ASTN2: variants seen among roughly 807,000 people sequenced by gnomAD.
ASTN2 encodes the protein astrotactin-2.
A neutral mutation model predicts 139.8 loss-of-function variants in ASTN2; 54 were observed. That is an observed-to-expected ratio of 0.39 (90% CI 0.31 to 0.48). The LOEUF (loss-of-function observed/expected upper bound fraction) is 0.48, where lower values mean the gene tolerates loss of function less well. Among genes scored for constraint, ASTN2 ranks in the 20% least tolerant of loss-of-function variants. ASTN2 has a pLI of 0.95. For missense variants in ASTN2, 1,565 were observed against 1,725.1 expected, an observed-to-expected ratio of 0.91 and a Z score of 1.64; for synonymous variants, 756 against 719.5, an observed-to-expected ratio of 1.05 and a Z score of -0.81.
intron 10 of ASTN2, among the ~76,000 whole-genome samples, chr9:116,893,323 T>G (rs540385027): frequency 1.9e-4 from 29 of 152,332 alleles, no homozygotes; most frequent in African/African-American, 7.0e-4. Flanking sequence ...AGTTGCCCAA[T>G]TAAATGATCC....
At chr9:117,003,919 C>A (rs939010414) in intron 7 of ASTN2, among the ~76,000 whole-genome samples, 2 of 149,304 alleles carry the variant, frequency 1.3e-5, no homozygotes, top group African/African-American at 5.0e-5. Flanking sequence ...GTAAGAATAT[C>A]CTAGAATTTG....
intron 2 of ASTN2, among the ~76,000 whole-genome samples, chr9:117,224,061 T>G (rs1203584084): frequency 1.3e-5 from 2 of 152,124 alleles, no homozygotes; most frequent in African/African-American, 4.8e-5. Flanking sequence ...AGGGTCAAAA[T>G]CCTGGGAGAA....
intron 20 of ASTN2, among the ~76,000 whole-genome samples, chr9:116,479,654 C>T (rs545645817): frequency 2.6e-5 from 4 of 152,250 alleles, no homozygotes; most frequent in Admixed American, 2.6e-4. Flanking sequence ...CATGCAGACC[C>T]CACATACAAT....
intron 4 of ASTN2, among the ~76,000 whole-genome samples, chr9:117,103,983 G>GGCCAGGCACAGC (rs6151141): frequency 1.3e-5 from 2 of 151,694 alleles, no homozygotes; most frequent in African/African-American, 2.4e-5. Context: ...ACCTGCTATA[G>GGCCAGGCACAGC]GCCAGGCACT....
At position 116,639,023 on chromosome 9, in the gene ASTN2, A is replaced by G. The variant is rs562734655; in HGVS notation, c.3072+12505T>C. Among the ~76,000 whole-genome samples, 3 of 152,314 alleles carry G rather than the reference A, an allele frequency of 2.0e-5. No homozygotes were observed. In the South Asian group the frequency reaches 6.2e-4, roughly 32 times the overall value. Reference sequence around the variant, plus strand: ...CCAGGGCAGTGTAGAAGCAGATGTGAGAGGAGGTAACACAGGATTAATCAC... The same window carrying G: ...CCAGGGCAGTGTAGAAGCAGATGTGGGAGGAGGTAACACAGGATTAATCAC... On this transcript the variant is annotated intron_variant, in intron 17 of 22. Transcript: ENST00000313400.
intron 12 of ASTN2, among the ~76,000 whole-genome samples, chr9:116,806,258 C>T (rs1003719205): frequency 2.0e-5 from 3 of 152,192 alleles, no homozygotes; most frequent in African/African-American, 4.8e-5. Context: ...AGAGGTGAAA[C>T]CTTCCAGGAC....
At chr9:116,988,930 C>T (rs1327534338) in intron 7 of ASTN2, among the ~76,000 whole-genome samples, 1 of 152,170 alleles carries the variant, frequency 6.6e-6, no homozygotes, top group Non-Finnish European at 1.5e-5. Flanking sequence ...AGATGGGGAA[C>T]ACAACTCTGT....
chr9:116,963,826 G>A (rs1835933094), intron 10 of ASTN2, among the ~76,000 whole-genome samples: 1 of 152,166 alleles, frequency 6.6e-6, no homozygotes, highest in African/African-American at 2.4e-5. Flanking sequence ...CAGGAGGTTT[G>A]GTGAGAAGTG....
At chr9:116,718,972 G>GTGTATA (rs56991546) in intron 16 of ASTN2, among the ~76,000 whole-genome samples, 16,967 of 100,230 alleles carry the variant, frequency 0.17, 1,930 homozygotes, top group Non-Finnish European at 0.19. Flanking sequence ...ACCTGTATCT[G>GTGTATA]TACATATATA....
chr9:116,975,235 A>C lies in ASTN2; in HGVS notation c.1862T>G (p.Leu621Arg), dbSNP rs777558946. The C allele has an allele frequency of 1.4e-5, 22 of 1,612,944 alleles. No individual in the cohort carries two copies. Among genetic ancestry groups the C allele is most frequent in the Non-Finnish European group, 1.7e-5 (20 of 1,179,492 alleles). The change falls in exon 10 of 23, where the codon CTC (leucine) becomes CGC (arginine). Residue 621 changes from leucine (L) to arginine (R), a missense_variant. Leu to Arg is a moderately radical substitution (Grantham distance 102). Transcript: ENST00000313400. ...NPLASCKTDVLVTEDPADVRE... is the reference protein window; with the variant it reads ...NPLASCKTDVRVTEDPADVRE... ...GACATCTGCAGGGTCTTCCGTGACG[A>C]GCACATCGGTCTTGCAGCTGGCCAG...
At chr9:116,966,850 A>G (rs1411440416) in intron 10 of ASTN2, among the ~76,000 whole-genome samples, 1 of 152,168 alleles carries the variant, frequency 6.6e-6, no homozygotes, top group Admixed American at 6.5e-5. Context: ...ACACACACTT[A>G]ATAGACCAAA....
intron 17 of ASTN2, among the ~76,000 whole-genome samples, chr9:116,635,914 TAAG>T (rs1207331826): frequency 1.3e-5 from 2 of 152,090 alleles, no homozygotes; most frequent in Non-Finnish European, 1.5e-5. Context: ...GGCTGAGAAA[TAAG>T]AAGTGAGAAC....
At chr9:117,223,109 G>A (rs957588879) in intron 2 of ASTN2, among the ~76,000 whole-genome samples, 1 of 152,096 alleles carries the variant, frequency 6.6e-6, no homozygotes, top group East Asian at 1.9e-4. Flanking sequence ...TTTTTATGCC[G>A]TAGGGTGGCA....
intron 19 of ASTN2, among the ~76,000 whole-genome samples, chr9:116,570,173 G>T (rs1362442195): frequency 1.3e-5 from 2 of 152,142 alleles, no homozygotes; most frequent in Admixed American, 6.5e-5. Flanking sequence ...TTCCAAAGTT[G>T]TTTTATGAGC....
intron 4 of ASTN2, among the ~76,000 whole-genome samples, chr9:117,114,688 T>C (rs1173130408): frequency 1.3e-5 from 2 of 152,126 alleles, no homozygotes; most frequent in Non-Finnish European, 2.9e-5. Flanking sequence ...CTTCAATACT[T>C]GAATCTGGGA....
chr9:116,429,929 T>C (rs926979557), intron 22 of ASTN2, among the ~76,000 whole-genome samples: 12 of 152,122 alleles, frequency 7.9e-5, no homozygotes, highest in African/African-American at 2.4e-4. Flanking sequence ...CATTTTCAGG[T>C]AGATGAGAAG....
At chr9:117,228,043 T>C (rs924682097) in intron 2 of ASTN2, among the ~76,000 whole-genome samples, 2 of 152,226 alleles carry the variant, frequency 1.3e-5, no homozygotes, top group Admixed American at 6.5e-5. Context: ...GGTGATTAGA[T>C]GTACATTCCT....
chr9:116,485,167 C>T (rs910015084), intron 20 of ASTN2, among the ~76,000 whole-genome samples: 1 of 152,194 alleles, frequency 6.6e-6, no homozygotes, highest in Non-Finnish European at 1.5e-5. Context: ...ACTGGAACCT[C>T]ATCACTAGAG....
intron 1 of ASTN2, among the ~76,000 whole-genome samples, chr9:117,391,206 A>G (rs1458079622): frequency 6.6e-6 from 1 of 152,222 alleles, no homozygotes; most frequent in Non-Finnish European, 1.5e-5. Context: ...AATATCTTGT[A>G]GGCCTTGATT....
Sources: gnomAD v4.1 joint callset for allele counts (sites outside exome capture counted in the v4.1 genomes callset) on GRCh38, gnomAD v4.1.1 for gene constraint, MANE v1.5 for transcripts, NCBI Gene and HGNC (gene_info 2026-07-23, HGNC 2026-07-21) for gene names.